Variants in CNTNAP2 observed in about 807,000 individuals in gnomAD.
The protein encoded by CNTNAP2 is contactin associated protein 2, also known as contactin-associated protein-like 2.
CNTNAP2 carries 98 observed loss-of-function variants against 155.2 expected under a neutral mutation model. The ratio of observed to expected loss-of-function variants is 0.63; its 90% confidence interval spans 0.54 to 0.75. CNTNAP2 has a LOEUF of 0.75. Among genes scored for constraint, CNTNAP2 ranks in the 30% least tolerant of loss-of-function variants. CNTNAP2 has a pLI of 0.00. For missense variants in CNTNAP2, 1,727 were observed against 1,688.1 expected (o/e 1.02, Z -0.40); for synonymous variants, 651 against 631.2 (o/e 1.03, Z -0.47).
chr7:148,107,389 A>G (rs1436443735), intron 15 of CNTNAP2, among the ~76,000 whole-genome samples: 2 of 151,514 alleles, frequency 1.3e-5, no homozygotes, highest in Non-Finnish European at 2.9e-5. Context: ...TATGTTGTTG[A>G]CTCCTCCCGC....
At chr7:146,982,493 T>C (rs367768471) in intron 3 of CNTNAP2, among the ~76,000 whole-genome samples, 3 of 152,282 alleles carry the variant, frequency 2.0e-5, no homozygotes, top group African/African-American at 7.2e-5. Context: ...TCTTTGAAAG[T>C]CTTGATGCTC....
At chr7:148,090,562 C>A (rs1467214086) in intron 15 of CNTNAP2, among the ~76,000 whole-genome samples, 1 of 152,102 alleles carries the variant, frequency 6.6e-6, no homozygotes, top group African/African-American at 2.4e-5. Flanking sequence ...CCACCTCAAA[C>A]CTCTTAGAAT....
chr7:146,832,787 C>A lies in CNTNAP2; in HGVS notation c.209-6924C>A, dbSNP rs185971209. ...CTCAGCTCACTGCAACCTCTGCCTCCTGGGTTCAAGCGATTCTCCTGCCTC... is the reference window on the plus strand; with the variant it reads ...CTCAGCTCACTGCAACCTCTGCCTCATGGGTTCAAGCGATTCTCCTGCCTC... On this transcript the variant is annotated intron_variant, in intron 2 of 23. Transcript: ENST00000361727. Among the ~76,000 whole-genome samples the A allele has an allele frequency of 6.2e-3, 943 of 152,010 alleles. 2 individuals are homozygous for A. Among genetic ancestry groups the A allele is most frequent in the Non-Finnish European group, 9.8e-3 (668 of 67,964 alleles).
chr7:146,576,052 C>G (rs1348585860), intron 1 of CNTNAP2, among the ~76,000 whole-genome samples: 1 of 152,144 alleles, frequency 6.6e-6, no homozygotes, highest in Non-Finnish European at 1.5e-5. Flanking sequence ...CAACCAACAT[C>G]TGTTTGTAAT....
intron 1 of CNTNAP2, among the ~76,000 whole-genome samples, chr7:146,271,525 A>C (rs1199740442): frequency 6.6e-6 from 1 of 151,888 alleles, no homozygotes; most frequent in East Asian, 1.9e-4. Flanking sequence ...TAATTTTTAA[A>C]GTAAATAATA....
rs1034093562 is a variant in CNTNAP2 at position 148,217,523 on chromosome 7, T to C, written c.3246T>C (p.Thr1082=). 6.2e-7 allele frequency: 1 copy of C among 1,613,956 alleles called. No individual in the cohort carries two copies. The highest frequency in any genetic ancestry group is 1.7e-5 in the Admixed American group (1 of 60,024). ...TDFLAVLVKP[T]GSLQIRYNLG... ...TCTTGGCAGTCCTCGTCAAACCCACTGGTAAGGACAAGGATACCCAGCCTC... is the reference window on the plus strand; with the variant it reads ...TCTTGGCAGTCCTCGTCAAACCCACCGGTAAGGACAAGGATACCCAGCCTC... The change falls in exon 19 of 24, where the codon ACT becomes ACC. Residue 1082 remains threonine, a splice_region_variant and synonymous_variant. Transcript: ENST00000361727.
intron 1 of CNTNAP2, among the ~76,000 whole-genome samples, chr7:146,642,621 G>A (rs1050433351): frequency 3.3e-5 from 5 of 151,840 alleles, no homozygotes; most frequent in South Asian, 2.1e-4. Context: ...ATAAACATAC[G>A]TGTGCATGTG....
intron 10 of CNTNAP2, among the ~76,000 whole-genome samples, chr7:147,475,515 A>G (rs750825892): frequency 8.6e-5 from 13 of 151,670 alleles, no homozygotes; most frequent in Non-Finnish European, 1.8e-4. Flanking sequence ...TTTCAATTAT[A>G]TTGTTTCTTA....
chr7:146,757,588 G>A (rs1802015129), intron 1 of CNTNAP2, among the ~76,000 whole-genome samples: 1 of 152,096 alleles, frequency 6.6e-6, no homozygotes, highest in African/African-American at 2.4e-5. Context: ...CTTTACAAAT[G>A]GAGAAACTGA....
At chr7:146,591,041 G>T (rs1292758510) in intron 1 of CNTNAP2, among the ~76,000 whole-genome samples, 1 of 152,110 alleles carries the variant, frequency 6.6e-6, no homozygotes, top group East Asian at 1.9e-4. Context: ...CAACCACAGA[G>T]AAAACAGTCC....
rs1295258546 is a variant in CNTNAP2, at chr7:146,268,541, T to C, written c.97+151568T>C. Among the ~76,000 whole-genome samples, 10 of 152,316 alleles carry C rather than the reference T, an allele frequency of 6.6e-5. No individual in the cohort carries two copies. In the East Asian group the frequency reaches 1.9e-3, roughly 29 times the overall value. ...TCTGGCTGAATAACCATCCATCTTA[T>C]AACTCCCTGCCTTTCAGAGTTCTTT... On this transcript the variant is annotated intron_variant, in intron 1 of 23. Transcript: ENST00000361727.
At chr7:147,681,027 T>G (rs185450858) in intron 13 of CNTNAP2, among the ~76,000 whole-genome samples, 48 of 152,102 alleles carry the variant, frequency 3.2e-4, no homozygotes, top group Admixed American at 1.7e-3. Context: ...TTGGCATTGC[T>G]TTCAAAGTCC....
At chr7:148,022,109 C>A (rs575762368) in intron 15 of CNTNAP2, among the ~76,000 whole-genome samples, 25 of 152,180 alleles carry the variant, frequency 1.6e-4, no homozygotes, top group African/African-American at 6.0e-4. Flanking sequence ...TCTGCCCCAA[C>A]CTGATCCAAG....
intron 20 of CNTNAP2, among the ~76,000 whole-genome samples, chr7:148,233,802 T>C (rs1796002889): frequency 6.6e-6 from 1 of 152,224 alleles, no homozygotes; most frequent in South Asian, 2.1e-4. Context: ...TGTCAAATTA[T>C]AATCCCCAAT....
In CNTNAP2 at chr7:147,197,804, T is replaced by C. The variant is rs140509105; in HGVS notation, c.1348+65295T>C. Among the ~76,000 whole-genome samples, 378 of 152,354 alleles carry C rather than the reference T, an allele frequency of 2.5e-3. 1 individual carries two copies. Among genetic ancestry groups the C allele is most frequent in the African/African-American group, 8.7e-3 (360 of 41,584 alleles). Reference sequence around the variant, plus strand: ...TATATTGGTTTCTAAGATATCTTTATGAAAATATTTGTTTTCTAAGATGTT... The same window carrying C: ...TATATTGGTTTCTAAGATATCTTTACGAAAATATTTGTTTTCTAAGATGTT... On this transcript the variant is annotated intron_variant, in intron 8 of 23. Transcript: ENST00000361727.
intron 9 of CNTNAP2, among the ~76,000 whole-genome samples, chr7:147,382,161 A>AG (rs1796547920): frequency 6.6e-6 from 1 of 152,162 alleles, no homozygotes; most frequent in African/African-American, 2.4e-5. Flanking sequence ...AGATCATTAG[A>AG]GGGAAAAAAA....
chr7:147,031,179 T>A (rs1241066649), intron 3 of CNTNAP2, among the ~76,000 whole-genome samples: 2 of 152,148 alleles, frequency 1.3e-5, no homozygotes, highest in African/African-American at 4.8e-5. Flanking sequence ...TGGATAGCAT[T>A]TATCTAATTA....
At chr7:148,269,135 G>A (rs1242669459) in intron 21 of CNTNAP2, among the ~76,000 whole-genome samples, 1 of 152,152 alleles carries the variant, frequency 6.6e-6, no homozygotes, top group Non-Finnish European at 1.5e-5. Flanking sequence ...GTGTGTGCAT[G>A]AAGCCCAAGA....
At chr7:147,693,728 T>TTTG (rs961137874) in intron 13 of CNTNAP2, among the ~76,000 whole-genome samples, 2 of 152,074 alleles carry the variant, frequency 1.3e-5, no homozygotes, top group Admixed American at 6.6e-5. Context: ...AGATAGTTTT[T>TTTG]TTGTTGTTGT....
Sources: allele counts gnomAD v4.1 joint callset (sites outside exome capture counted in the v4.1 genomes callset), GRCh38; gene constraint gnomAD v4.1.1; transcripts MANE v1.5; gene names NCBI Gene and HGNC (gene_info 2026-07-23, HGNC 2026-07-21).